The following PECAM1 variants were observed in gnomAD, a reference collection of about 807,000 sequenced individuals.
The protein encoded by PECAM1 is platelet and endothelial cell adhesion molecule 1.
PECAM1 carries 8 observed loss-of-function variants against 13.8 expected under a neutral mutation model. The observed-to-expected ratio is 0.58, with a 90% CI of 0.34 to 1.05. The LOEUF (loss-of-function observed/expected upper bound fraction) is 1.05. Ranked by LOEUF, PECAM1 falls within the 50% of genes least tolerant of loss-of-function variation. The pLI is 0.03. For synonymous variants in PECAM1, 136 were observed against 52.6 expected, an observed-to-expected ratio of 2.58 and a Z score of -6.86; for missense variants, 304 against 141.2, an observed-to-expected ratio of 2.15 and a Z score of -5.84.
At chr17:64,350,885 T>C (rs2143773995) in intron 11 of PECAM1, among the ~76,000 whole-genome samples, 1 of 152,168 alleles carries the variant, frequency 6.6e-6, no homozygotes, top group Admixed American at 6.5e-5. Context: ...CTTTCTTTCT[T>C]TCTTTTTTGA....
At chr17:64,338,806 G>C (rs1447314983) in intron 14 of PECAM1, among the ~76,000 whole-genome samples, 1 of 151,996 alleles carries the variant, frequency 6.6e-6, no homozygotes, top group African/African-American at 2.4e-5. Flanking sequence ...TGATCCACCC[G>C]CCTCGGCCTC....
At chr17:64,349,297 T>C (rs922711738) in intron 12 of PECAM1, among the ~76,000 whole-genome samples, 13 of 152,232 alleles carry the variant, frequency 8.5e-5, no homozygotes, top group African/African-American at 1.2e-4. Context: ...CAGTCAAAGA[T>C]ACATTTCAGG....
At chr17:64,367,083 T>C (rs1236891737) in intron 5 of PECAM1, among the ~76,000 whole-genome samples, 1 of 151,442 alleles carries the variant, frequency 6.6e-6, no homozygotes, top group Non-Finnish European at 1.5e-5. Flanking sequence ...CATTCACTCA[T>C]GTATTTGTTC....
chr17:64,330,662 T>C (rs994292627), intron 14 of PECAM1, among the ~76,000 whole-genome samples: 2 of 151,346 alleles, frequency 1.3e-5, no homozygotes, highest in Non-Finnish European at 2.9e-5. Flanking sequence ...TAGTAGCACA[T>C]ATTTTTTTAA....
intron 6 of PECAM1, among the ~76,000 whole-genome samples, chr17:64,362,799 C>G (rs1199055958): frequency 6.6e-6 from 1 of 151,026 alleles, no homozygotes; most frequent in African/African-American, 2.4e-5. Flanking sequence ...TTGCAGTGAG[C>G]TATCGTGCCA....
At chr17:64,380,589 A>AT (rs1344532903) in intron 2 of PECAM1, among the ~76,000 whole-genome samples, 3 of 152,206 alleles carry the variant, frequency 2.0e-5, no homozygotes, top group African/African-American at 4.8e-5. Flanking sequence ...CAATCATGGA[A>AT]TTTTTTAAAA....
chr17:64,339,143 G>A (rs2035362214), intron 14 of PECAM1, among the ~76,000 whole-genome samples: 2 of 152,114 alleles, frequency 1.3e-5, no homozygotes, highest in Admixed American at 6.5e-5. Context: ...TCGAGGCAGA[G>A]GTGGTAAGGA....
intron 6 of PECAM1, among the ~76,000 whole-genome samples, 197 bp from the exon 7 acceptor site, chr17:64,360,612 G>C (rs2035950899): frequency 6.6e-6 from 1 of 151,366 alleles, no homozygotes; most frequent in Non-Finnish European, 1.5e-5. Flanking sequence ...GTGTGTGTGT[G>C]TGTGTGGTGA....
chr17:64,334,788 T>A (rs2035227997), intron 14 of PECAM1, among the ~76,000 whole-genome samples: 2 of 152,022 alleles, frequency 1.3e-5, no homozygotes, highest in Non-Finnish European at 2.9e-5. Flanking sequence ...ATTACAGGCG[T>A]GAGCCACTGC....
chr17:64,348,407 C>CTTTTTTTTT (rs869282884), intron 12 of PECAM1, 85 bp from the exon 13 acceptor site: 1 of 275,872 alleles, frequency 3.6e-6, no homozygotes, highest in African/African-American at 2.7e-5. Context: ...ACTTTCTTTT[C>CTTTTTTTTT]TTTTTTTTTT....
Position 64,355,486 on chromosome 17 carries a change from G to A in PECAM1, c.1781-446C>T, listed in dbSNP as rs980254698. Reference sequence around the variant, plus strand: ...TTGTTGGTTTGATTTTTGAGGCAGAGTCTTGCTCTGTTGCCCAGGCTGGAG... The same window carrying A: ...TTGTTGGTTTGATTTTTGAGGCAGAATCTTGCTCTGTTGCCCAGGCTGGAG... On this transcript the variant is annotated intron_variant, in intron 8 of 15. Transcript: ENST00000563924. Among the ~76,000 whole-genome samples, 50 of 152,062 alleles carry A rather than the reference G, an allele frequency of 3.3e-4. 1 individual carries two copies. The highest frequency in any genetic ancestry group is 5.9e-4 in the Admixed American group (9 of 15,264).
Position 64,324,799 on chromosome 17 carries a change from C to T in PECAM1, c.2188-954G>A, listed in dbSNP as rs572647742. 4.6e-5 allele frequency among the ~76,000 whole-genome samples: 7 copies of T among 152,210 alleles called. No individual in the cohort carries two copies. In the South Asian group the frequency reaches 1.5e-3, roughly 32 times the overall value. The stretch of plus-strand genomic sequence containing the variant: ...ACATGAAAGGACAAATATATGATTC[C>T]ACTTATGTGATGTACCTCAAATAGT... On this transcript the variant is annotated intron_variant, in intron 15 of 15. Transcript: ENST00000563924.
At chr17:64,386,403 C>CAAAAAAAAAA (rs59994359) in intron 2 of PECAM1, among the ~76,000 whole-genome samples, 2 of 113,144 alleles carry the variant, frequency 1.8e-5, no homozygotes, top group East Asian at 2.5e-4. Flanking sequence ...GAGACTCTGT[C>CAAAAAAAAAA]AAAAAAAAAA....
chr17:64,371,964 G>A (rs2036251700), intron 4 of PECAM1, among the ~76,000 whole-genome samples: 2 of 152,048 alleles, frequency 1.3e-5, no homozygotes, highest in African/African-American at 4.8e-5. Flanking sequence ...AAATGACAAG[G>A]CATATATGAA....
intron 4 of PECAM1, among the ~76,000 whole-genome samples, chr17:64,373,274 A>G (rs2036283416): frequency 1.3e-5 from 2 of 152,136 alleles, no homozygotes; most frequent in African/African-American, 4.8e-5. Context: ...ATACTGCAGG[A>G]TTGTTGTAAT....
intron 15 of PECAM1, among the ~76,000 whole-genome samples, chr17:64,324,475 C>T (rs1213458674): frequency 2.6e-5 from 4 of 152,186 alleles, no homozygotes; most frequent in African/African-American, 4.8e-5. Flanking sequence ...CACCAAGTAA[C>T]TTCATCAAGC....
chr17:64,367,737 G>T (rs1183861705), intron 5 of PECAM1, among the ~76,000 whole-genome samples: 1 of 152,018 alleles, frequency 6.6e-6, no homozygotes, highest in Admixed American at 6.6e-5. Flanking sequence ...AGGTAAAACC[G>T]GGTCTTAGGT....
At chr17:64,358,584 C>G (rs2035901011) in intron 7 of PECAM1, among the ~76,000 whole-genome samples, 1 of 152,138 alleles carries the variant, frequency 6.6e-6, no homozygotes, top group African/African-American at 2.4e-5. Flanking sequence ...CTGACATACC[C>G]TAAATTACTA....
At chr17:64,357,083 G>T (rs2035863025) in intron 7 of PECAM1, among the ~76,000 whole-genome samples, 1 of 152,090 alleles carries the variant, frequency 6.6e-6, no homozygotes, top group African/African-American at 2.4e-5. Flanking sequence ...TGTTGCCCAG[G>T]TCTTACTGTG....
Sources: gnomAD v4.1 joint callset for allele counts (sites outside exome capture counted in the v4.1 genomes callset) on GRCh38, gnomAD v4.1.1 for gene constraint, MANE v1.5 for transcripts, NCBI Gene and HGNC (gene_info 2026-07-23, HGNC 2026-07-21) for gene names.